FOXP2: variants seen among roughly 807,000 people sequenced by gnomAD.
FOXP2 encodes forkhead box P2, also known as forkhead box protein P2.
In FOXP2, 12 loss-of-function variants were observed where a neutral mutation model predicts 115.8. That is an observed-to-expected ratio of 0.10 (90% CI 0.07 to 0.17). The LOEUF is 0.17. Ranked by LOEUF, FOXP2 falls within the 10% of genes least tolerant of loss-of-function variation. The pLI, the probability that FOXP2 is intolerant of heterozygous loss-of-function variation, is 1.00. For missense variants in FOXP2, 629 were observed against 843.5 expected (o/e 0.75, Z 3.15); for synonymous variants, 328 against 297.7 (o/e 1.10, Z -1.05).
At chr7:114,112,095 C>T (rs1295319343) in intron 1 of FOXP2, among the ~76,000 whole-genome samples, 2 of 152,036 alleles carry the variant, frequency 1.3e-5, no homozygotes, top group Non-Finnish European at 1.5e-5. Context: ...TGCAATTATA[C>T]TTTGTCACTA....
At chr7:114,376,355 C>G (rs1319302887) in intron 2 of FOXP2, among the ~76,000 whole-genome samples, 2 of 152,144 alleles carry the variant, frequency 1.3e-5, no homozygotes, top group Non-Finnish European at 1.5e-5. Context: ...TTCTTTTATT[C>G]TCAGTTTCCT....
intron 1 of FOXP2, among the ~76,000 whole-genome samples, chr7:114,264,932 C>T (rs1265128187): frequency 6.6e-6 from 1 of 152,142 alleles, no homozygotes; most frequent in African/African-American, 2.4e-5. Context: ...AGGACAGCAT[C>T]AAGCCATGAG....
chr7:114,122,064 A>AT (rs967039371), intron 1 of FOXP2, among the ~76,000 whole-genome samples: 23 of 152,084 alleles, frequency 1.5e-4, no homozygotes, highest in Non-Finnish European at 2.5e-4. Context: ...TTGTTTTATA[A>AT]TTTTTTATAA....
chr7:114,524,494 G>A (rs979117288), intron 2 of FOXP2, among the ~76,000 whole-genome samples: 1 of 151,960 alleles, frequency 6.6e-6, no homozygotes, highest in African/African-American at 2.4e-5. Flanking sequence ...CTTGTAGAAA[G>A]AGAATGAGCT....
intron 1 of FOXP2, among the ~76,000 whole-genome samples, chr7:114,136,884 A>T (rs1342640366): frequency 6.6e-6 from 1 of 152,022 alleles, no homozygotes; most frequent in Non-Finnish European, 1.5e-5. Flanking sequence ...TGAATCCCAG[A>T]TACTATGATT....
At chr7:114,570,666 A>G in intron 3 of FOXP2, 1 of 689,026 alleles carries the variant, frequency 1.5e-6, no homozygotes, top group South Asian at 1.6e-5. Context: ...CTGTGAGACA[A>G]TGATGGAATA....
intron 3 of FOXP2, among the ~76,000 whole-genome samples, chr7:114,588,416 A>G (rs1802261605): frequency 6.6e-6 from 1 of 152,192 alleles, no homozygotes; most frequent in Admixed American, 6.5e-5. Flanking sequence ...CGAAATGATA[A>G]GAAGTAGGTC....
intron 3 of FOXP2, among the ~76,000 whole-genome samples, chr7:114,557,997 TG>T (rs2129289773): frequency 6.6e-6 from 1 of 151,974 alleles, no homozygotes; most frequent in Non-Finnish European, 1.5e-5. Context: ...TTAGTAGAGA[TG>T]GGGTTTCACC....
chr7:114,654,099 T>C, intron 10 of FOXP2, 90 bp downstream of exon 10: 2 of 1,600,964 alleles, frequency 1.2e-6, no homozygotes, highest in Non-Finnish European at 8.5e-7. Flanking sequence ...TAGAAAACAA[T>C]GAGTGTGATG....
intron 2 of FOXP2, among the ~76,000 whole-genome samples, chr7:114,346,055 A>C (rs1002125691): frequency 2.0e-5 from 3 of 151,778 alleles, no homozygotes; most frequent in Non-Finnish European, 2.9e-5. Flanking sequence ...ATTTATAATA[A>C]TTTTTTAATG....
intron 2 of FOXP2, among the ~76,000 whole-genome samples, chr7:114,319,650 AT>A (rs909356484): frequency 7.2e-5 from 11 of 152,274 alleles, no homozygotes; most frequent in African/African-American, 2.4e-4. Context: ...ACCCCCATGA[AT>A]CAGTCACCTC....
chr7:114,613,233 G>A (rs1206732457), intron 3 of FOXP2, among the ~76,000 whole-genome samples: 2 of 152,096 alleles, frequency 1.3e-5, no homozygotes, highest in Admixed American at 1.3e-4. Context: ...AGCAGAAAGT[G>A]TTTTTATACC....
At chr7:114,654,972 T>C (rs1806490931) in intron 10 of FOXP2, among the ~76,000 whole-genome samples, 1 of 152,140 alleles carries the variant, frequency 6.6e-6, no homozygotes, top group African/African-American at 2.4e-5. Context: ...AGAGATTATA[T>C]TTAAACTCTG....
At chr7:114,421,845 T>C (rs1793635947) in intron 1 of FOXP2, among the ~76,000 whole-genome samples, 1 of 151,788 alleles carries the variant, frequency 6.6e-6, no homozygotes, top group South Asian at 2.1e-4. Context: ...AAATGCACTA[T>C]GCATGGTGCC....
At chr7:114,556,259 C>A (rs1199370024) in intron 3 of FOXP2, among the ~76,000 whole-genome samples, 1 of 152,066 alleles carries the variant, frequency 6.6e-6, no homozygotes, top group Admixed American at 6.5e-5. Flanking sequence ...TCAGAGATGC[C>A]AACAAGATAA....
intron 2 of FOXP2, among the ~76,000 whole-genome samples, chr7:114,357,546 T>TGCCTACTACTCAAAGGACC: frequency 6.6e-6 from 1 of 152,262 alleles, no homozygotes; most frequent in South Asian, 2.1e-4. Flanking sequence ...GTGAAATGAC[T>TGCCTACTACTCAAAGGACC]GCCTACTACT....
chr7:114,534,210 C>T (rs1799268480), intron 2 of FOXP2, among the ~76,000 whole-genome samples: 1 of 151,822 alleles, frequency 6.6e-6, no homozygotes, highest in Admixed American at 6.6e-5. Context: ...TTAATTACAG[C>T]TTCCGGTAAC....
chr7:114,535,400 G>A (rs1489074603), intron 3 of FOXP2, among the ~76,000 whole-genome samples: 2 of 151,460 alleles, frequency 1.3e-5, no homozygotes, highest in East Asian at 1.9e-4. Flanking sequence ...TTCTGGAATT[G>A]CATAAAACAT....
At chr7:114,619,271 A>G (rs1393431627) in intron 3 of FOXP2, among the ~76,000 whole-genome samples, 1 of 152,156 alleles carries the variant, frequency 6.6e-6, no homozygotes, top group Non-Finnish European at 1.5e-5. Flanking sequence ...TAGTTATATT[A>G]TCTTCACTAA....
Sources: gnomAD v4.1 joint callset for allele counts (sites outside exome capture counted in the v4.1 genomes callset) on GRCh38, gnomAD v4.1.1 for gene constraint, MANE v1.5 for transcripts, NCBI Gene and HGNC (gene_info 2026-07-23, HGNC 2026-07-21) for gene names.